DST: variants seen among roughly 807,000 people sequenced by gnomAD.
DST encodes the protein bullous pemphigoid antigen.
A neutral mutation model predicts 875.2 loss-of-function variants in DST; 253 were observed. The ratio of observed to expected loss-of-function variants is 0.29; its 90% CI spans 0.26 to 0.32. The LOEUF (loss-of-function observed/expected upper bound fraction) is 0.32. DST is among the 10% of genes least tolerant of loss of function. The pLI, the probability that DST is intolerant of heterozygous loss-of-function variation, is 1.00. For missense variants in DST, 8,287 were observed against 9,111.6 expected, an observed-to-expected ratio of 0.91 and a Z score of 3.68; for synonymous variants, 3,124 against 3,197.1, an observed-to-expected ratio of 0.98 and a Z score of 0.77.
Position 56,624,555 on chromosome 6 carries a change from G to A in DST, c.4904C>T (p.Ser1635Leu). The A allele has an allele frequency of 4.3e-6, 7 of 1,612,832 alleles. No homozygotes were observed. Among genetic ancestry groups the A allele is most frequent in the Non-Finnish European group, 5.9e-6 (7 of 1,179,300 alleles). ...MTQYIKFAGD[S>L]LKRLEEEEKS... ...CTCCTCCTCTTCCAGCCTCTTCAAT[G>A]AATCACCAGCAAATTTAATATATTG... The change falls in exon 36 of 104, where the codon TCA (serine) becomes TTA (leucine). Residue 1635 changes from serine (S) to leucine (L), a missense_variant. By Grantham distance (145) the Ser-to-Leu change is moderately radical. Around this residue, in one of 10 missense-constraint regions of DST, gnomAD observed 3,138 missense variants for 3,116.6 expected, o/e 1.01. Coordinates refer to ENST00000680361, the MANE Select transcript of DST (RefSeq NM_001374736.1).
intron 4 of DST, among the ~76,000 whole-genome samples, chr6:56,801,910 T>G (rs1163339675): frequency 4.6e-5 from 7 of 152,014 alleles, no homozygotes; most frequent in African/African-American, 1.7e-4. Context: ...CCACCACACC[T>G]GGCTAATTTT....
At chr6:56,625,988 A>C (rs1026758637) in intron 34 of DST, among the ~76,000 whole-genome samples, 26 of 151,282 alleles carry the variant, frequency 1.7e-4, no homozygotes, top group African/African-American at 6.3e-4. Context: ...AAAAAAAAAA[A>C]AACCAAAAAT....
intron 4 of DST, among the ~76,000 whole-genome samples, chr6:56,779,507 T>G (rs919160711): frequency 1.6e-4 from 25 of 152,094 alleles, no homozygotes; most frequent in Non-Finnish European, 3.4e-4. Flanking sequence ...CAAGGGTTTT[T>G]ATGGTTTTAA....
intron 73 of DST, 102 bp downstream of exon 73, chr6:56,511,095 G>T: frequency 9.7e-7 from 1 of 1,035,012 alleles, no homozygotes; most frequent in Non-Finnish European, 1.4e-6. Context: ...TGAATGTGGT[G>T]AAATAATTTT....
chr6:56,871,516 T>C (rs1435215328), intron 3 of DST: 4 of 1,412,498 alleles, frequency 2.8e-6, no homozygotes, highest in East Asian at 4.6e-5. Flanking sequence ...GGCTTAGAGG[T>C]AGATTCTCTG....
chr6:56,506,922 T>G, intron 75 of DST, 133 bp from the exon 76 acceptor site: 1 of 959,394 alleles, frequency 1.0e-6, no homozygotes. Context: ...TCTAAGTTTC[T>G]GCAATAAATT....
intron 62 of DST, 62 bp from the exon 63 acceptor site, chr6:56,535,354 C>T: frequency 1.3e-6 from 2 of 1,482,932 alleles, no homozygotes; most frequent in Non-Finnish European, 1.8e-6. Flanking sequence ...AATCTGAGCA[C>T]AAATCACTAT....
chr6:56,567,073 C>G (rs1434373924), intron 55 of DST, among the ~76,000 whole-genome samples: 1 of 152,172 alleles, frequency 6.6e-6, no homozygotes, highest in African/African-American at 2.4e-5. Flanking sequence ...GGGAACCAAA[C>G]ACCACTGTGG....
At chr6:56,809,994 G>A (rs1032058560) in intron 4 of DST, among the ~76,000 whole-genome samples, 1 of 152,140 alleles carries the variant, frequency 6.6e-6, no homozygotes, top group Non-Finnish European at 1.5e-5. Context: ...ATGACAACCC[G>A]TACTTTCAGT....
chr6:56,823,630 C>T (rs983955799), intron 4 of DST, among the ~76,000 whole-genome samples: 5 of 152,066 alleles, frequency 3.3e-5, no homozygotes, highest in African/African-American at 1.2e-4. Context: ...AGGATGGTCT[C>T]GATCTCTTGA....
chr6:56,655,653 C>T (rs951088296), intron 10 of DST, among the ~76,000 whole-genome samples: 56 of 152,218 alleles, frequency 3.7e-4, no homozygotes, highest in African/African-American at 1.3e-3. Context: ...AAGAGCAAAG[C>T]CCATTTCCCA....
intron 4 of DST, among the ~76,000 whole-genome samples, chr6:56,805,201 C>T (rs939584194): frequency 4.6e-5 from 7 of 151,976 alleles, no homozygotes; most frequent in East Asian, 1.9e-4. Context: ...GGGAAACAAA[C>T]GAGGCAGCCA....
At chr6:56,767,792 C>T (rs1334423467) in intron 4 of DST, among the ~76,000 whole-genome samples, 1 of 151,910 alleles carries the variant, frequency 6.6e-6, no homozygotes, top group South Asian at 2.1e-4. Flanking sequence ...ATCAGAGAGT[C>T]CCCATTGAGA....
chr6:56,847,036 G>A (rs886410488), intron 4 of DST, among the ~76,000 whole-genome samples: 1 of 149,958 alleles, frequency 6.7e-6, no homozygotes, highest in Non-Finnish European at 1.5e-5. Context: ...AGTGAAGTTG[G>A]CCAGGCCCTG....
At chr6:56,710,662 A>G (rs2152893080) in intron 5 of DST, among the ~76,000 whole-genome samples, 1 of 152,296 alleles carries the variant, frequency 6.6e-6, no homozygotes, top group Non-Finnish European at 1.5e-5. Context: ...CTTTTAAAAT[A>G]CACACAAAAA....
chr6:56,555,933 T>A, intron 59 of DST, 93 bp from the exon 60 acceptor site: 1 of 1,283,380 alleles, frequency 7.8e-7, no homozygotes, highest in Non-Finnish European at 1.0e-6. Context: ...ATGGTAATTA[T>A]TTCTCCAGTT....
In DST at chr6:56,494,013, C is replaced by T. The variant is rs1309303600; in HGVS notation, c.20391G>A (p.Arg6797=). ...WESVETKLNE[R]KTKLEEALNL... is the part of the protein sequence containing the mutation. ...TTATATTAATCAAAGCACATACTTT[C>T]CTTTCATTGAGTTTGGTTTCCACCG... Residue 6797 remains arginine, a synonymous_variant, in exon 83 of 104, where the codon AGG becomes AGA. Transcript: ENST00000680361. 2 of 1,585,522 alleles carry T rather than the reference C, an allele frequency of 1.3e-6. No homozygotes were observed. The highest frequency in any genetic ancestry group is 1.7e-5 in the Admixed American group (1 of 58,134).
chr6:56,497,146 C>G (rs1017376490), intron 82 of DST, among the ~76,000 whole-genome samples: 6 of 151,412 alleles, frequency 4.0e-5, no homozygotes, highest in African/African-American at 1.5e-4. Context: ...CACATGTACC[C>G]TAAAACTTAA....
chr6:56,589,575 C>T (rs563125177), intron 49 of DST, among the ~76,000 whole-genome samples: 2 of 152,326 alleles, frequency 1.3e-5, no homozygotes, highest in East Asian at 1.9e-4. Context: ...TGACTTAACA[C>T]CACCCCAAAG....
Sources: allele counts gnomAD v4.1 joint callset (sites outside exome capture counted in the v4.1 genomes callset), GRCh38; gene constraint gnomAD v4.1.1; regional missense constraint gnomAD v4.1.1; transcripts MANE v1.5; gene names NCBI Gene and HGNC (gene_info 2026-07-23, HGNC 2026-07-21).